The following RHBDL3 variants were observed in gnomAD, a reference collection of about 807,000 sequenced individuals.
The protein encoded by RHBDL3 is rhomboid-related protein 3.
In RHBDL3, 28 loss-of-function variants were observed where a neutral mutation model predicts 48.2. That is an observed-to-expected ratio of 0.58 (90% CI 0.43 to 0.80). RHBDL3 has a LOEUF of 0.80. Among genes scored for constraint, RHBDL3 ranks in the 30% least tolerant of loss-of-function variants. The pLI is 0.00. For synonymous variants in RHBDL3, 208 were observed against 232.3 expected, an observed-to-expected ratio of 0.90 and a Z score of 0.95; for missense variants, 464 against 542.7, an observed-to-expected ratio of 0.85 and a Z score of 1.44.
At chr17:32,299,086 C>T (rs1389623722) in intron 6 of RHBDL3, among the ~76,000 whole-genome samples, 1 of 148,446 alleles carries the variant, frequency 6.7e-6, no homozygotes, top group African/African-American at 2.5e-5. Context: ...CGCCTCAGCT[C>T]TTCAGCTTGA....
At chr17:32,305,151 A>G (rs988473253) in intron 6 of RHBDL3, among the ~76,000 whole-genome samples, 190 bp from the exon 7 acceptor site, 4 of 133,288 alleles carry the variant, frequency 3.0e-5, no homozygotes, top group African/African-American at 1.1e-4. Context: ...GAAAGGAAGG[A>G]AGGGAGGGAG....
At chr17:32,310,644 C>T (rs566977306) in intron 7 of RHBDL3, among the ~76,000 whole-genome samples, 140 of 151,890 alleles carry the variant, frequency 9.2e-4, no homozygotes, top group African/African-American at 3.2e-3. Flanking sequence ...ACTCGGGAGG[C>T]GGAGGTTGCA....
Position 32,276,267 on chromosome 17 carries a change from A to G in RHBDL3, c.135+8342A>G, listed in dbSNP as rs568112001. 3.9e-5 allele frequency among the ~76,000 whole-genome samples: 6 copies of G among 152,220 alleles called. No homozygotes were observed. The East Asian group carries it at 1.2e-3, about 30-fold the overall frequency. ...GAACAAAAAAACAAAAAAAATTGTG[A>G]AAGTCAGTATTTTAAAGAGTCAGGG... On this transcript the variant is annotated intron_variant, in intron 2 of 8. Coordinates refer to ENST00000269051, the MANE Select transcript of RHBDL3 (RefSeq NM_138328.3).
At chr17:32,287,948 A>G (rs2040236300) in intron 3 of RHBDL3, among the ~76,000 whole-genome samples, 1 of 152,230 alleles carries the variant, frequency 6.6e-6, no homozygotes, top group Non-Finnish European at 1.5e-5. Context: ...TGAGGCTGCC[A>G]GAGCTCTACC....
chr17:32,280,236 A>C (rs568724491), intron 2 of RHBDL3, among the ~76,000 whole-genome samples: 12 of 152,172 alleles, frequency 7.9e-5, no homozygotes, highest in Non-Finnish European at 1.6e-4. Context: ...CCACATTCTA[A>C]CGGCTGCCCC....
Position 32,288,773 on chromosome 17 carries a change from C to G in RHBDL3, c.295-19C>G. Reference sequence around the variant, plus strand: ...TGGGCCCCAGCTCTGACCCTCTCCCCACTCCATTTCCTGCACAGATGAGCA... The same window carrying G: ...TGGGCCCCAGCTCTGACCCTCTCCCGACTCCATTTCCTGCACAGATGAGCA... On this transcript the variant is annotated intron_variant, in intron 3 of 8. Transcript: ENST00000269051. 3 of 1,588,072 alleles carry G rather than the reference C, an allele frequency of 1.9e-6. No individual in the cohort carries two copies. Among genetic ancestry groups the G allele is most frequent in the Non-Finnish European group, 2.6e-6 (3 of 1,163,042 alleles).
At chr17:32,267,088 G>T (rs2039650815) in intron 1 of RHBDL3, among the ~76,000 whole-genome samples, 1 of 152,194 alleles carries the variant, frequency 6.6e-6, no homozygotes, top group South Asian at 2.1e-4. Context: ...AAACCGGGCA[G>T]ACACCCTGCC....
intron 6 of RHBDL3, among the ~76,000 whole-genome samples, chr17:32,301,542 C>T (rs1434683441): frequency 6.6e-6 from 1 of 152,040 alleles, no homozygotes; most frequent in African/African-American, 2.4e-5. Context: ...GGAAAGTTGG[C>T]GGGCATGGTG....
chr17:32,280,322 C>CTAT (rs1365219161), intron 2 of RHBDL3: 1 of 152,238 alleles, frequency 6.6e-6, no homozygotes, highest in Non-Finnish European at 1.5e-5. Context: ...CACCTCACTA[C>CTAT]CAAAGTGGGT....
Position 32,324,030 on chromosome 17 carries a change from C to G in RHBDL3, c.*2801C>G, listed in dbSNP as rs2041202496. 6.6e-6 allele frequency: 1 copy of G among 152,346 alleles called. No individual in the cohort carries two copies. The highest frequency in any genetic ancestry group is 2.4e-5 in the African/African-American group (1 of 41,426). The allele number at this position is 152,346 out of a possible 1,614,324, so 9.4% of individuals were successfully genotyped here. A position where few individuals can be genotyped will look rare whatever the true frequency, so the allele number is the denominator to read the frequency against. ...TCCTTGTCTGAGGTGGCTGCCAGCC[C>G]AGGGGGTGGTGTGTAAATCTTCAGG... On this transcript the variant is annotated 3_prime_UTR_variant, in exon 9 of 9. Transcript: ENST00000269051.
chr17:32,294,183 C>T (rs1433234410), intron 4 of RHBDL3, 111 bp from the exon 5 acceptor site: 2 of 825,958 alleles, frequency 2.4e-6, no homozygotes, highest in East Asian at 2.8e-5. Flanking sequence ...CCCTCTTTCT[C>T]TGAGAAGGAA....
At chr17:32,313,571 C>A (rs918428462) in intron 7 of RHBDL3, among the ~76,000 whole-genome samples, 1 of 151,890 alleles carries the variant, frequency 6.6e-6, no homozygotes, top group African/African-American at 2.4e-5. Context: ...GACTCCCCAC[C>A]CCCTCCTCCC....
intron 3 of RHBDL3, 95 bp from the exon 4 acceptor site, chr17:32,288,697 C>A: frequency 1.2e-6 from 1 of 831,836 alleles, no homozygotes; most frequent in Admixed American, 2.4e-5. Context: ...AATGCGGGGT[C>A]AGGCCTGGTG....
chr17:32,301,686 T>C (rs1176953241), intron 6 of RHBDL3, among the ~76,000 whole-genome samples: 1 of 152,026 alleles, frequency 6.6e-6, no homozygotes, highest in Non-Finnish European at 1.5e-5. Flanking sequence ...CTGGGCATGA[T>C]GGCAGCCACC....
chr17:32,280,662 C>T (rs1160854842), intron 2 of RHBDL3: 1 of 152,064 alleles, frequency 6.6e-6, no homozygotes, highest in Admixed American at 6.5e-5. Flanking sequence ...AGTTGTGGCT[C>T]GGGAGTTTGC....
chr17:32,317,755 G>A (rs2041010192), intron 8 of RHBDL3, among the ~76,000 whole-genome samples: 1 of 152,192 alleles, frequency 6.6e-6, no homozygotes, highest in Non-Finnish European at 1.5e-5. Context: ...TCCCACTGGA[G>A]GGCTTTCAAC....
intron 4 of RHBDL3, among the ~76,000 whole-genome samples, chr17:32,289,789 T>C (rs1299648030): frequency 1.3e-5 from 2 of 152,228 alleles, no homozygotes; most frequent in African/African-American, 4.8e-5. Context: ...GGCTTCACTT[T>C]GGGATTTTAT....
chr17:32,289,648 G>C (rs575355809), intron 4 of RHBDL3, among the ~76,000 whole-genome samples: 1 of 152,306 alleles, frequency 6.6e-6, no homozygotes, highest in East Asian at 1.9e-4. Flanking sequence ...AAATTCTACT[G>C]CTTATGCAAC....
chr17:32,267,983 C>G, intron 2 of RHBDL3, 58 bp downstream of exon 2: 1 of 1,382,438 alleles, frequency 7.2e-7, no homozygotes, highest in Non-Finnish European at 1.0e-6. Flanking sequence ...CGGTCTCAGT[C>G]TCCCTGCTTG....
Sources: gnomAD v4.1 joint callset for allele counts (sites outside exome capture counted in the v4.1 genomes callset) on GRCh38, gnomAD v4.1.1 for gene constraint, MANE v1.5 for transcripts, NCBI Gene and HGNC (gene_info 2026-07-23, HGNC 2026-07-21) for gene names.